GPR155: variants seen among roughly 807,000 people sequenced by gnomAD.
The protein encoded by GPR155 is lysosomal cholesterol signaling protein.
GPR155 carries 65 observed loss-of-function variants against 93.1 expected under a neutral mutation model. The ratio of observed to expected loss-of-function variants is 0.70; its 90% confidence interval spans 0.57 to 0.86. The LOEUF is 0.86. Among genes scored for constraint, GPR155 ranks in the 40% least tolerant of loss-of-function variants. GPR155 has a pLI of 0.00. For missense variants in GPR155, 838 were observed against 1,034.8 expected (o/e 0.81, Z 2.61); for synonymous variants, 319 against 360.1 (o/e 0.89, Z 1.29).
chr2:174,454,290 C>T (rs1416089664), intron 10 of GPR155, among the ~76,000 whole-genome samples: 1 of 152,104 alleles, frequency 6.6e-6, no homozygotes, highest in Non-Finnish European at 1.5e-5. Context: ...GCACCTGCCA[C>T]CAGGCCCAGC....
At position 174,449,138 on chromosome 2, in the gene GPR155, T is replaced by C. The variant is rs1159739975; in HGVS notation, c.1877-2391A>G. On this transcript the variant is annotated intron_variant, in intron 11 of 15. Coordinates refer to ENST00000392552, the MANE Select transcript of GPR155 (RefSeq NM_152529.7). The stretch of plus-strand genomic sequence containing the variant: ...GCGGCCAACAAACATGAAAAAATGC[T>C]GCACATCACTAATCATCAGAGAAAT... Among the ~76,000 whole-genome samples, 10 of 152,186 alleles carry C rather than the reference T, an allele frequency of 6.6e-5. 2 individuals carry two copies. In the East Asian group the frequency reaches 1.9e-3, roughly 29 times the overall value.
intron 15 of GPR155, among the ~76,000 whole-genome samples, chr2:174,438,869 A>G (rs1362728914): frequency 6.6e-6 from 1 of 152,258 alleles, no homozygotes; most frequent in Non-Finnish European, 1.5e-5. Context: ...AATTGTGCTC[A>G]GAAGGGTGAA....
rs1396307753 is a variant in GPR155, at chr2:174,433,543, G to A, written c.*2573C>T. 6.6e-6 allele frequency: 1 copy of A among 152,220 alleles called. No homozygotes were observed. Among genetic ancestry groups the A allele is most frequent in the African/African-American group, 2.4e-5 (1 of 41,448 alleles). The allele number at this position is 152,220 out of a possible 1,614,324, so 9.4% of individuals were successfully genotyped here. A position where few individuals can be genotyped will look rare whatever the true frequency, so the allele number is the denominator to read the frequency against. On this transcript the variant is annotated 3_prime_UTR_variant, in exon 16 of 16. Transcript: ENST00000392552. ...TTTACACAGCCCCACTTCTCTGCCT[G>A]TAGAAATGTAAAGTTGAAGTCACAT...
At position 174,481,743 on chromosome 2, in the gene GPR155, C is replaced by T; in HGVS notation, c.214G>A (p.Gly72Arg). 3 of 1,613,956 alleles carry T rather than the reference C, an allele frequency of 1.9e-6. No individual in the cohort carries two copies. The highest frequency in any genetic ancestry group is 2.5e-6 in the Non-Finnish European group (3 of 1,179,894). ...ANVITSTQAK[G>R]LGNFVSRFAL... ...AATCTGGAGACAAAATTTCCTAGTC[C>T]TTTGGCCTGGGTTGATGTTATGACA... The change falls in exon 2 of 16, where the codon GGA becomes AGA. Residue 72 changes from glycine to arginine, a missense_variant. Gly to Arg is a moderately radical substitution (Grantham distance 125). Around this residue, in one of 3 missense-constraint regions of GPR155, gnomAD observed 663 missense variants for 790.1 expected, o/e 0.84. Coordinates refer to ENST00000392552, the MANE Select transcript of GPR155 (RefSeq NM_152529.7).
chr2:174,439,872 A>G (rs1287764870), intron 15 of GPR155, 26 bp downstream of exon 15: 1 of 1,595,838 alleles, frequency 6.3e-7, no homozygotes, highest in South Asian at 1.1e-5. Flanking sequence ...ATAATTGTCT[A>G]GAACCTGTAC....
intron 12 of GPR155, 43 bp from the exon 13 acceptor site, chr2:174,445,219 T>C: frequency 1.1e-6 from 1 of 950,212 alleles, no homozygotes. Context: ...TCAAGCAAGC[T>C]GATAATTCCT....
intron 11 of GPR155, among the ~76,000 whole-genome samples, chr2:174,449,450 CACA>C (rs1183671493): frequency 6.6e-6 from 1 of 152,214 alleles, no homozygotes; most frequent in African/African-American, 2.4e-5. Flanking sequence ...CAGCACTACT[CACA>C]ACAGCAAAGC....
rs1206694762 is a variant in GPR155 at position 174,435,486 on chromosome 2, T to TTTATTTTATTTTATC, written c.*629_*630insGATAAAATAAAATAA. ...ATTATTTTATTTTATTTTATTTTAT[T>TTTATTTTATTTTATC]TTTGAGATAGAGTCTTGCTCTGTTG... On this transcript the variant is annotated 3_prime_UTR_variant, in exon 16 of 16. Coordinates refer to ENST00000392552, the MANE Select transcript of GPR155 (RefSeq NM_152529.7). 6.6e-6 allele frequency: 1 copy of TTTATTTTATTTTATC among 152,078 alleles called. No individual in the cohort carries two copies. The highest frequency in any genetic ancestry group is 2.4e-5 in the African/African-American group (1 of 41,384). 9.4% of individuals were successfully genotyped at this position (152,078 alleles called of 1,614,324 possible).
chr2:174,466,530 G>C lies in GPR155; in HGVS notation c.1266+14C>G. The C allele has an allele frequency of 1.6e-6, 2 of 1,283,300 alleles. No individual in the cohort carries two copies. The highest frequency in any genetic ancestry group is 1.2e-5 in the South Asian group (1 of 80,406). The allele number at this position is 1,283,300 out of a possible 1,614,324, so 79.5% of individuals were successfully genotyped here. A position where few individuals can be genotyped will look rare whatever the true frequency, so the allele number is the denominator to read the frequency against. ...TAGAAAAACATAGTTCTAAATATCAGTAGTTTTACTAACCTGAGCAATGAG... is the reference window on the plus strand; with the variant it reads ...TAGAAAAACATAGTTCTAAATATCACTAGTTTTACTAACCTGAGCAATGAG... On this transcript the variant is annotated intron_variant, in intron 6 of 15. Coordinates refer to ENST00000392552, the MANE Select transcript of GPR155 (RefSeq NM_152529.7).
intron 9 of GPR155, 54 bp from the exon 10 acceptor site, chr2:174,460,142 ATCT>A: frequency 9.0e-7 from 1 of 1,114,016 alleles, no homozygotes; most frequent in African/African-American, 1.7e-5. Flanking sequence ...CATCTTGATA[ATCT>A]TAGGGCACAT....
intron 11 of GPR155, among the ~76,000 whole-genome samples, chr2:174,451,241 G>A (rs1687308016): frequency 6.6e-6 from 1 of 151,880 alleles, no homozygotes; most frequent in African/African-American, 2.4e-5. Flanking sequence ...TTGAACCCGG[G>A]AGGCAGAGGT....
In GPR155 at chr2:174,435,524, T is replaced by A. The variant is rs1440854058; in HGVS notation, c.*592A>T. On this transcript the variant is annotated 3_prime_UTR_variant, in exon 16 of 16. Coordinates refer to ENST00000392552, the MANE Select transcript of GPR155 (RefSeq NM_152529.7). ...TCTTGCTCTGTTGCTCAGGCTGGAG[T>A]GCAGTGGCACGATCTCGGCTCACAG... The A allele has an allele frequency of 6.6e-6, 1 of 150,958 alleles. No homozygotes were observed. The highest frequency in any genetic ancestry group is 1.9e-4 in the East Asian group (1 of 5,210). The allele number at this position is 150,958 out of a possible 1,614,324, so 9.4% of individuals were successfully genotyped here.
At chr2:174,446,806 A>G in intron 11 of GPR155, 59 bp from the exon 12 acceptor site, 1 of 1,482,702 alleles carries the variant, frequency 6.7e-7, no homozygotes, top group Non-Finnish European at 9.4e-7. Context: ...ATGCATTTTA[A>G]ATTTGTAATG....
chr2:174,460,134 T>A, intron 9 of GPR155, 46 bp from the exon 10 acceptor site: 102 of 1,019,708 alleles, frequency 1.0e-4, no homozygotes, highest in Non-Finnish European at 1.4e-4. Context: ...CACAACTTCA[T>A]CTTGATAATC....
chr2:174,441,723 TTG>T (rs3043735), intron 14 of GPR155, among the ~76,000 whole-genome samples: 85,690 of 147,968 alleles, frequency 0.58, 27,471 homozygotes, highest in South Asian at 0.77. Context: ...ATCAGTATCT[TTG>T]TGTGTGTGTG....
intron 11 of GPR155, among the ~76,000 whole-genome samples, chr2:174,448,104 G>A (rs1477165275): frequency 6.6e-6 from 1 of 152,112 alleles, no homozygotes; most frequent in Non-Finnish European, 1.5e-5. Flanking sequence ...AGCCAGGCAC[G>A]GTGGCTCACG....
intron 14 of GPR155, among the ~76,000 whole-genome samples, chr2:174,440,898 G>A (rs938810682): frequency 2.0e-5 from 3 of 152,138 alleles, no homozygotes; most frequent in Non-Finnish European, 2.9e-5. Flanking sequence ...TGAGTTTTCC[G>A]TAAGCTGTCA....
intron 10 of GPR155, among the ~76,000 whole-genome samples, chr2:174,455,770 T>G (rs1294147086): frequency 6.6e-6 from 1 of 152,226 alleles, no homozygotes; most frequent in Non-Finnish European, 1.5e-5. Context: ...GATAATTGTT[T>G]GTTTAAAAAG....
At chr2:174,455,965 C>T (rs183368415) in intron 10 of GPR155, among the ~76,000 whole-genome samples, 48 of 151,964 alleles carry the variant, frequency 3.2e-4, no homozygotes, top group Admixed American at 2.2e-3. Flanking sequence ...CTCAGCCTCC[C>T]GAGTAGCTGG....
Sources: gnomAD v4.1 joint callset for allele counts (sites outside exome capture counted in the v4.1 genomes callset) on GRCh38, gnomAD v4.1.1 for gene constraint, gnomAD v4.1.1 regional missense constraint, MANE v1.5 for transcripts, NCBI Gene and HGNC (gene_info 2026-07-23, HGNC 2026-07-21) for gene names.